Variants in PITPNC1 observed in about 807,000 individuals in gnomAD.
The protein encoded by PITPNC1 is phosphatidylinositol transfer protein cytoplasmic 1.
In PITPNC1, 18 loss-of-function variants were observed where a neutral mutation model predicts 44.7. The ratio of observed to expected loss-of-function variants is 0.40; its 90% confidence interval spans 0.28 to 0.60. PITPNC1 has a LOEUF of 0.60. Among genes scored for constraint, PITPNC1 ranks in the 20% least tolerant of loss-of-function variants. The pLI, the probability that PITPNC1 is intolerant of heterozygous loss-of-function variation, is 0.39. For missense variants in PITPNC1, 290 were observed against 418.4 expected, an observed-to-expected ratio of 0.69 and a Z score of 2.68; for synonymous variants, 141 against 149.6, an observed-to-expected ratio of 0.94 and a Z score of 0.42.
chr17:67,462,851 G>A (rs929893412), intron 1 of PITPNC1, among the ~76,000 whole-genome samples: 1 of 152,048 alleles, frequency 6.6e-6, no homozygotes, highest in Middle Eastern at 3.2e-3. Flanking sequence ...TACAGGCATG[G>A]GCCGCTACGC....
intron 1 of PITPNC1, among the ~76,000 whole-genome samples, chr17:67,528,290 C>T (rs1456907031): frequency 6.6e-6 from 1 of 152,224 alleles, no homozygotes; most frequent in East Asian, 1.9e-4. Context: ...GATCCGCCTG[C>T]CTCGGCCTCC....
intron 1 of PITPNC1, among the ~76,000 whole-genome samples, chr17:67,531,538 C>T (rs550264449): frequency 1.5e-4 from 23 of 152,310 alleles, no homozygotes; most frequent in African/African-American, 5.1e-4. Flanking sequence ...TTCACACTCC[C>T]GTCCCTGCTC....
intron 5 of PITPNC1, among the ~76,000 whole-genome samples, chr17:67,625,615 C>A (rs983513145): frequency 6.6e-6 from 1 of 152,174 alleles, no homozygotes. Context: ...TGTCCCTGCT[C>A]TCCAATTACA....
chr17:67,569,221 C>G (rs371402468), intron 4 of PITPNC1, among the ~76,000 whole-genome samples: 85 of 152,304 alleles, frequency 5.6e-4, no homozygotes, highest in African/African-American at 2.0e-3. Flanking sequence ...GTAAGTGTTT[C>G]TTATTGCCAT....
At chr17:67,486,417 A>G (rs1943994284) in intron 1 of PITPNC1, among the ~76,000 whole-genome samples, 1 of 152,112 alleles carries the variant, frequency 6.6e-6, no homozygotes, top group African/African-American at 2.4e-5. Context: ...TCTTCCTCCT[A>G]TGGCAAGTCT....
At chr17:67,634,573 C>G (rs1433805301) in intron 6 of PITPNC1, among the ~76,000 whole-genome samples, 1 of 152,006 alleles carries the variant, frequency 6.6e-6, no homozygotes, top group African/African-American at 2.4e-5. Flanking sequence ...GCTTAGGGTC[C>G]CTCCCTTCAG....
chr17:67,598,999 T>TAC (rs1568059171), intron 5 of PITPNC1, among the ~76,000 whole-genome samples: 3 of 29,706 alleles, frequency 1.0e-4, no homozygotes, highest in Admixed American at 5.1e-4. Flanking sequence ...CTATAAGAAA[T>TAC]ACATATATAT....
intron 4 of PITPNC1, among the ~76,000 whole-genome samples, chr17:67,573,920 T>C (rs2041099130): frequency 6.6e-6 from 1 of 152,200 alleles, no homozygotes; most frequent in Non-Finnish European, 1.5e-5. Flanking sequence ...GAATTGATTA[T>C]AGATGGGGGA....
At chr17:67,659,944 A>G (rs1389596895) in intron 6 of PITPNC1, among the ~76,000 whole-genome samples, 2 of 152,016 alleles carry the variant, frequency 1.3e-5, no homozygotes. Flanking sequence ...CAGTGGCGCA[A>G]TCTCAGGTCA....
chr17:67,427,999 T>G (rs984116718), intron 1 of PITPNC1, among the ~76,000 whole-genome samples: 3 of 152,164 alleles, frequency 2.0e-5, no homozygotes, highest in African/African-American at 7.2e-5. Context: ...TTTTATTTTT[T>G]ACAGATGGGG....
intron 1 of PITPNC1, among the ~76,000 whole-genome samples, chr17:67,417,429 C>G (rs1005876513): frequency 8.5e-5 from 13 of 152,250 alleles, no homozygotes; most frequent in Non-Finnish European, 1.6e-4. Context: ...CACACCAGGT[C>G]CACATTCAGC....
intron 1 of PITPNC1, among the ~76,000 whole-genome samples, chr17:67,428,966 G>A (rs1262081135): frequency 7.4e-6 from 1 of 135,892 alleles, no homozygotes; most frequent in Non-Finnish European, 1.6e-5. Flanking sequence ...TCAGCCTCCC[G>A]AGTAGCTGGG....
intron 1 of PITPNC1, among the ~76,000 whole-genome samples, chr17:67,397,930 A>G (rs2038244110): frequency 2.0e-5 from 3 of 152,196 alleles, no homozygotes; most frequent in Middle Eastern, 6.8e-3. Flanking sequence ...TGTCTCGACT[A>G]AAAATACAAA....
At chr17:67,477,941 CCT>C (rs1306329534) in intron 1 of PITPNC1, among the ~76,000 whole-genome samples, 15 of 152,138 alleles carry the variant, frequency 9.9e-5, no homozygotes, top group African/African-American at 3.4e-4. Context: ...CTGTGGGCTG[CCT>C]CTGGGTCCTT....
chr17:67,434,685 T>G (rs1180958849), intron 1 of PITPNC1, among the ~76,000 whole-genome samples: 1 of 149,948 alleles, frequency 6.7e-6, no homozygotes, highest in Non-Finnish European at 1.5e-5. Context: ...TGGTGGTGCA[T>G]GCCTGTGATC....
At chr17:67,490,112 C>CTGTGTG (rs71354073) in intron 1 of PITPNC1, among the ~76,000 whole-genome samples, 79 of 144,974 alleles carry the variant, frequency 5.4e-4, no homozygotes, top group East Asian at 8.2e-4. Flanking sequence ...ACAGGCTTTT[C>CTGTGTG]TGTGTGTGTG....
At chr17:67,596,421 C>T (rs377020909) in intron 5 of PITPNC1, among the ~76,000 whole-genome samples, 3 of 152,108 alleles carry the variant, frequency 2.0e-5, no homozygotes, top group East Asian at 1.9e-4. Context: ...TTGGTACTCA[C>T]GGGTAACAAC....
At chr17:67,533,160 C>G (rs991073704) in intron 2 of PITPNC1, among the ~76,000 whole-genome samples, 1 of 152,088 alleles carries the variant, frequency 6.6e-6, no homozygotes. Context: ...TTTAGGAGGC[C>G]AAGGTGGGAG....
intron 6 of PITPNC1, among the ~76,000 whole-genome samples, chr17:67,635,997 A>G (rs1344614078): frequency 1.3e-5 from 2 of 152,162 alleles, no homozygotes; most frequent in South Asian, 2.1e-4. Context: ...GCCCCTCACA[A>G]CAAAGAATTA....
Sources: allele counts gnomAD v4.1 joint callset (sites outside exome capture counted in the v4.1 genomes callset), GRCh38; gene constraint gnomAD v4.1.1; transcripts MANE v1.5; gene names NCBI Gene and HGNC (gene_info 2026-07-23, HGNC 2026-07-21).